Variants in KCNN1 observed in about 807,000 individuals in gnomAD.
KCNN1 encodes the protein potassium calcium-activated channel subfamily N member 1.
KCNN1 carries 20 observed loss-of-function variants against 44.7 expected under a neutral mutation model. The observed-to-expected ratio is 0.45, with a 90% CI of 0.32 to 0.65. The LOEUF is 0.65. Among genes scored for constraint, KCNN1 ranks in the 30% least tolerant of loss-of-function variants. The probability of loss-of-function intolerance (pLI) is 0.05; values close to 1 mark genes in which losing one functional copy is unlikely to be tolerated. For synonymous variants in KCNN1, 324 were observed against 341.7 expected (o/e 0.95, Z 0.57); for missense variants, 632 against 785.3 (o/e 0.80, Z 2.33).
chr19:17,959,779 G>A (rs1031877156), intron 2 of KCNN1, among the ~76,000 whole-genome samples: 14 of 152,088 alleles, frequency 9.2e-5, no homozygotes, highest in African/African-American at 3.1e-4. Context: ...GAGTTCAAGA[G>A]GTGCTTTTGA....
rs1221768360 is a variant in KCNN1, at chr19:17,974,566, G to T, written c.402+276G>T. On this transcript the variant is annotated intron_variant, in intron 2 of 9. Transcript: ENST00000684775. The surrounding 1 kb of genome is among the most constrained non-coding windows in gnomAD (Gnocchi z 7.3). The stretch of plus-strand genomic sequence containing the variant: ...AGGGGGGCTTCCCCCCAGGACAGGG[G>T]TTCCCCAGAGTGGGCCTGCTCTGGG... Among the ~76,000 whole-genome samples, 1 of 152,188 alleles carries T rather than the reference G, an allele frequency of 6.6e-6. No homozygotes were observed. The highest frequency in any genetic ancestry group is 2.4e-5 in the African/African-American group (1 of 41,452).
chr19:17,952,274 C>G (rs892823897), intron 1 of KCNN1: 3 of 152,086 alleles, frequency 2.0e-5, no homozygotes, highest in Non-Finnish European at 2.9e-5. Flanking sequence ...CTTGCCCGGC[C>G]GTGCACTTGT....
Position 17,974,547 on chromosome 19 carries a change from G to A in KCNN1, c.402+257G>A, listed in dbSNP as rs866011936. ...GCACCCTGGCTTAAGGCGGAGGGGG[G>A]CTTCCCCCCAGGACAGGGGTTCCCC... is the stretch of plus-strand genomic sequence containing the variant. On this transcript the variant is annotated intron_variant, in intron 2 of 9. Transcript: ENST00000684775. The surrounding 1 kb of genome is among the most constrained non-coding windows in gnomAD (Gnocchi z 7.3). Among the ~76,000 whole-genome samples, 1 of 152,180 alleles carries A rather than the reference G, an allele frequency of 6.6e-6. No individual in the cohort carries two copies. Among genetic ancestry groups the A allele is most frequent in the African/African-American group, 2.4e-5 (1 of 41,448 alleles).
intron 9 of KCNN1, among the ~76,000 whole-genome samples, chr19:17,994,169 G>T (rs2032901638): frequency 3.3e-5 from 5 of 152,116 alleles, no homozygotes; most frequent in Admixed American, 2.6e-4. Flanking sequence ...GGCCAGCTGG[G>T]TTCAATGGGT....
chr19:17,963,212 A>G (rs113319947), upstream of KCNN1, among the ~76,000 whole-genome samples: 16 of 149,508 alleles, frequency 1.1e-4, 2 homozygotes, highest in African/African-American at 4.0e-4. Flanking sequence ...ACGGGGTTTC[A>G]CCGTGTTAGC....
chr19:17,959,652 C>G lies in KCNN1; in HGVS notation c.-82+4971C>G, dbSNP rs144474410. 2.5e-3 allele frequency among the ~76,000 whole-genome samples: 387 copies of G among 152,262 alleles called. 2 individuals carry two copies. Among genetic ancestry groups the G allele is most frequent in the Non-Finnish European group, 3.5e-3 (238 of 68,020 alleles). ...CCCTGAGCTCAGGCAATCAGCCCAA[C>G]TTGGCTTCCCAAAGTGCTAGGATTA... On this transcript the variant is annotated intron_variant, in intron 2 of 10. Transcript: ENST00000222249.
rs577024402 is a variant in KCNN1 at position 17,952,829 on chromosome 19, A to G, written c.-203+1420A>G. On this transcript the variant is annotated intron_variant, in intron 1 of 10. Transcript: ENST00000222249. ...GCTCCGGGTTCCTGTTCTTTTCCCT[A>G]AGCTCCCTCCCTTCCCCCCTCCCCT... is the stretch of plus-strand genomic sequence containing the variant. Among the ~76,000 whole-genome samples, 34 of 151,360 alleles carry G rather than the reference A, an allele frequency of 2.2e-4. No individual in the cohort carries two copies. The South Asian group carries it at 6.7e-3, about 30-fold the overall frequency.
rs2032108667 is a variant in KCNN1 at position 17,973,874 on chromosome 19, T to G, written c.-15T>G. 6.5e-7 allele frequency: 1 copy of G among 1,548,508 alleles called. No individual in the cohort carries two copies. The highest frequency in any genetic ancestry group is 1.4e-5 in the African/African-American group (1 of 73,110). On this transcript the variant is annotated 5_prime_UTR_variant, in exon 2 of 10. Coordinates refer to ENST00000684775, the MANE Select transcript of KCNN1 (RefSeq NM_001386974.1). The stretch of plus-strand genomic sequence containing the variant: ...GGCGGCCTGCAGCGAGCCCAACCCC[T>G]GCACCCAGGTAGTCATGAACAGCCA...
At chr19:17,959,404 C>A (rs2031626794) in intron 2 of KCNN1, among the ~76,000 whole-genome samples, 1 of 151,466 alleles carries the variant, frequency 6.6e-6, no homozygotes, top group African/African-American at 2.4e-5. Context: ...ATTACAGGCA[C>A]CTGCCACCAC....
At chr19:17,977,935 C>T (rs1252122032) in intron 3 of KCNN1, among the ~76,000 whole-genome samples, 2 of 151,998 alleles carry the variant, frequency 1.3e-5, no homozygotes, top group African/African-American at 2.4e-5. Context: ...AGATGCAAAT[C>T]CGCAGAGACA....
At chr19:17,979,576 C>T (rs1164449836) in intron 3 of KCNN1, among the ~76,000 whole-genome samples, 1 of 151,790 alleles carries the variant, frequency 6.6e-6, no homozygotes, top group Non-Finnish European at 1.5e-5. Flanking sequence ...ATACCTTTTG[C>T]CTCCAGCTCC....
At chr19:17,971,205 T>A (rs942449865) in intron 1 of KCNN1, among the ~76,000 whole-genome samples, 1 of 152,084 alleles carries the variant, frequency 6.6e-6, no homozygotes, top group Non-Finnish European at 1.5e-5. Context: ...TCTTGCTGTG[T>A]CCTGGAATGA....
rs565349144 is a variant in KCNN1, at chr19:17,974,650, G to T, written c.402+360G>T. The stretch of plus-strand genomic sequence containing the variant: ...TGAGTGCGTCCAGGTTACAAGCCTG[G>T]CTGTGGGTTCCCTCATGCCACCTAG... On this transcript the variant is annotated intron_variant, in intron 2 of 9. Coordinates refer to ENST00000684775, the MANE Select transcript of KCNN1 (RefSeq NM_001386974.1). This position sits in a 1 kb window ranked among gnomAD's most constrained non-coding sequence, Gnocchi z 7.3. Among the ~76,000 whole-genome samples, 2 of 152,292 alleles carry T rather than the reference G, an allele frequency of 1.3e-5. No individual in the cohort carries two copies. The highest frequency in any genetic ancestry group is 1.3e-4 in the Admixed American group (2 of 15,302).
chr19:17,975,659 G>T (rs1337772543), intron 3 of KCNN1, among the ~76,000 whole-genome samples: 1 of 151,996 alleles, frequency 6.6e-6, no homozygotes, highest in East Asian at 1.9e-4. Flanking sequence ...GACCTCCAGT[G>T]ATCCACCCGT....
intron 1 of KCNN1, among the ~76,000 whole-genome samples, chr19:17,969,352 CTG>C: frequency 6.6e-6 from 1 of 152,316 alleles, no homozygotes; most frequent in Non-Finnish European, 1.5e-5. Flanking sequence ...TCTCTGAGCT[CTG>C]TCTCCCGTCT....
At position 17,993,265 on chromosome 19, in the gene KCNN1, A is replaced by T. The variant is rs1311924373; in HGVS notation, c.1307+203A>T. On this transcript the variant is annotated intron_variant, in intron 8 of 9. Transcript: ENST00000684775. The surrounding 1 kb of genome is among the most constrained non-coding windows in gnomAD (Gnocchi z 4.5). Reference sequence around the variant, plus strand: ...CCTGAGTTGGGCCGGAGACAGGACCAGCCAATGGGTGGTGTGGGCGGTGGC... The same window carrying T: ...CCTGAGTTGGGCCGGAGACAGGACCTGCCAATGGGTGGTGTGGGCGGTGGC... Among the ~76,000 whole-genome samples, 1 of 152,142 alleles carries T rather than the reference A, an allele frequency of 6.6e-6. No homozygotes were observed. The highest frequency in any genetic ancestry group is 2.4e-5 in the African/African-American group (1 of 41,426).
intron 3 of KCNN1, among the ~76,000 whole-genome samples, chr19:17,978,950 C>T (rs986739741): frequency 1.3e-5 from 2 of 151,696 alleles, no homozygotes; most frequent in East Asian, 3.9e-4. Flanking sequence ...GTTCCAGCTA[C>T]TTGGGAGGTT....
chr19:17,954,227 C>G (rs2031487478), intron 1 of KCNN1, among the ~76,000 whole-genome samples: 1 of 152,154 alleles, frequency 6.6e-6, no homozygotes, highest in African/African-American at 2.4e-5. Context: ...TAGGCTGAAG[C>G]AGGTGAATCA....
intron 2 of KCNN1, among the ~76,000 whole-genome samples, chr19:17,958,148 C>T (rs73024616): frequency 0.17 from 25,790 of 151,882 alleles, 2,563 homozygotes; most frequent in East Asian, 0.37. Flanking sequence ...GATCTAACTG[C>T]TCAAATGCCA....
Sources: gnomAD v4.1 joint callset for allele counts (sites outside exome capture counted in the v4.1 genomes callset) on GRCh38, gnomAD v4.1.1 for gene constraint, Gnocchi (gnomAD v3.1) non-coding constraint, MANE v1.5 for transcripts, NCBI Gene and HGNC (gene_info 2026-07-23, HGNC 2026-07-21) for gene names.